Variants in LARGE1 observed in about 807,000 individuals in gnomAD.
The protein encoded by LARGE1 is xylosyl- and glucuronyltransferase LARGE1.
Under a neutral mutation model 87.6 loss-of-function variants are expected in LARGE1, and 43 were observed. That is an observed-to-expected ratio of 0.49 (90% CI 0.38 to 0.63). The LOEUF (loss-of-function observed/expected upper bound fraction) is 0.63. LARGE1 is among the 30% of genes least tolerant of loss of function. LARGE1 has a pLI of 0.00. For synonymous variants in LARGE1, 434 were observed against 394.6 expected (o/e 1.10, Z -1.18); for missense variants, 802 against 1,000.2 (o/e 0.80, Z 2.67).
chr22:33,153,391 T>C, the LARGE1 span, among the ~76,000 whole-genome samples: 1 of 152,208 alleles, frequency 6.6e-6, no homozygotes, highest in Non-Finnish European at 1.5e-5. Flanking sequence ...TATCTGTTCA[T>C]CTTTTTACTG....
chr22:33,113,504 G>T, the LARGE1 span, among the ~76,000 whole-genome samples: 1,641 of 152,334 alleles, frequency 0.011, 25 homozygotes, highest in African/African-American at 0.036. Flanking sequence ...ACTGCACCCA[G>T]CCGTCATTTA....
At chr22:33,636,849 T>G (rs1220484166) in intron 3 of LARGE1, among the ~76,000 whole-genome samples, 1 of 152,114 alleles carries the variant, frequency 6.6e-6, no homozygotes, top group Non-Finnish European at 1.5e-5. Context: ...AACTAACTGT[T>G]GGGCAAATTA....
chr22:33,691,599 C>CA (rs1227269854), intron 2 of LARGE1, among the ~76,000 whole-genome samples: 5 of 152,176 alleles, frequency 3.3e-5, no homozygotes, highest in African/African-American at 1.2e-4. Flanking sequence ...ATCCATACAT[C>CA]TCTACGCAGG....
intron 2 of LARGE1, among the ~76,000 whole-genome samples, chr22:33,716,006 C>T (rs2082897422): frequency 6.6e-6 from 1 of 152,162 alleles, no homozygotes; most frequent in Non-Finnish European, 1.5e-5. Context: ...TCATGTTTCC[C>T]TCCCAATACA....
At chr22:33,857,171 C>T (rs2063779440) in intron 1 of LARGE1, among the ~76,000 whole-genome samples, 1 of 152,198 alleles carries the variant, frequency 6.6e-6, no homozygotes, top group Non-Finnish European at 1.5e-5. Context: ...CCCTTCTCAG[C>T]CTCCCAGAAG....
intron 1 of LARGE1, among the ~76,000 whole-genome samples, chr22:33,896,711 C>T (rs1379358618): frequency 6.6e-6 from 1 of 152,206 alleles, no homozygotes; most frequent in African/African-American, 2.4e-5. Flanking sequence ...CCCTTCCACT[C>T]CCGGCTCCCA....
chr22:33,147,617 T>G, the LARGE1 span, among the ~76,000 whole-genome samples: 1 of 152,202 alleles, frequency 6.6e-6, no homozygotes, highest in African/African-American at 2.4e-5. Flanking sequence ...GCTTTTTACA[T>G]ATATGTGATC....
chr22:33,633,198 A>T (rs1347614655), intron 3 of LARGE1, among the ~76,000 whole-genome samples: 1 of 152,166 alleles, frequency 6.6e-6, no homozygotes, highest in Admixed American at 6.6e-5. Flanking sequence ...AGGCAATTTG[A>T]TAGTTAACCA....
At chr22:33,491,143 T>A (rs886347722) in intron 6 of LARGE1, among the ~76,000 whole-genome samples, 1 of 152,172 alleles carries the variant, frequency 6.6e-6, no homozygotes, top group Admixed American at 6.5e-5. Context: ...GATATACATC[T>A]CTTAATATGA....
At chr22:33,827,355 G>A (rs1326089990) in intron 1 of LARGE1, among the ~76,000 whole-genome samples, 2 of 152,058 alleles carry the variant, frequency 1.3e-5, no homozygotes, top group Admixed American at 6.6e-5. Context: ...GGGTGACAGA[G>A]CAAGACCCGG....
At chr22:33,267,921 T>C (rs905221085), downstream of LARGE1, among the ~76,000 whole-genome samples, 9 of 151,424 alleles carry the variant, frequency 5.9e-5, no homozygotes, top group African/African-American at 2.2e-4. Context: ...ATTAATGAGC[T>C]AGATTATGTG....
intron 6 of LARGE1, among the ~76,000 whole-genome samples, chr22:33,508,439 AG>A (rs1461411442): frequency 6.6e-6 from 1 of 152,206 alleles, no homozygotes; most frequent in Non-Finnish European, 1.5e-5. Flanking sequence ...TTTTCTTAAA[AG>A]GGTTTTCTAA....
intron 2 of LARGE1, among the ~76,000 whole-genome samples, chr22:33,711,411 A>T (rs2082727623): frequency 6.6e-6 from 1 of 152,176 alleles, no homozygotes; most frequent in South Asian, 2.1e-4. Flanking sequence ...CTTTCGTTCA[A>T]ATGTGTCCTA....
chr22:33,765,901 A>G (rs767780163), intron 1 of LARGE1, among the ~76,000 whole-genome samples: 2 of 152,178 alleles, frequency 1.3e-5, no homozygotes, highest in Non-Finnish European at 2.9e-5. Context: ...CAATTTGTAG[A>G]AAGTTTTAAA....
intron 12 of LARGE1, among the ~76,000 whole-genome samples, chr22:33,303,930 G>A (rs780705961): frequency 1.3e-5 from 2 of 152,188 alleles, no homozygotes; most frequent in African/African-American, 4.8e-5. Flanking sequence ...TGCCTGAGGA[G>A]GGTATGTTTT....
Position 33,765,048 on chromosome 22 carries a change from T to C in LARGE1, c.-82-3490A>G, listed in dbSNP as rs555499126. Among the ~76,000 whole-genome samples, 94 of 152,318 alleles carry C rather than the reference T, an allele frequency of 6.2e-4. 1 individual carries two copies. The highest frequency in any genetic ancestry group is 2.2e-3 in the African/African-American group (92 of 41,582). Reference sequence around the variant, plus strand: ...ATAAGTCAAGGCAACTAGCAGTAAGTAGCACTTATATGTCAAGCACTTTTC... The same window carrying C: ...ATAAGTCAAGGCAACTAGCAGTAAGCAGCACTTATATGTCAAGCACTTTTC... On this transcript the variant is annotated intron_variant, in intron 1 of 14. Coordinates refer to ENST00000397394, the MANE Select transcript of LARGE1 (RefSeq NM_133642.5).
intron 11 of LARGE1, among the ~76,000 whole-genome samples, chr22:33,220,836 C>T (rs1015907898): frequency 4.6e-5 from 7 of 152,194 alleles, no homozygotes; most frequent in African/African-American, 1.7e-4. Context: ...CAGCTGAATC[C>T]TTCATGTGCA....
chr22:33,542,775 T>C (rs10428061), intron 6 of LARGE1, among the ~76,000 whole-genome samples: 22,356 of 151,726 alleles, frequency 0.15, 3,557 homozygotes, highest in African/African-American at 0.4. Flanking sequence ...TCCATTTATT[T>C]TACTAATCAT....
At chr22:33,289,110 C>T (rs1276961849) in intron 12 of LARGE1, among the ~76,000 whole-genome samples, 1 of 152,074 alleles carries the variant, frequency 6.6e-6, no homozygotes. Flanking sequence ...AGGTGCCCGC[C>T]ACCACACCCA....
Sources: gnomAD v4.1 joint callset for allele counts (sites outside exome capture counted in the v4.1 genomes callset) on GRCh38, gnomAD v4.1.1 for gene constraint, MANE v1.5 for transcripts, NCBI Gene and HGNC (gene_info 2026-07-23, HGNC 2026-07-21) for gene names.